Variants in AOC3 observed in about 807,000 individuals in gnomAD.
The protein encoded by AOC3 is amine oxidase [copper-containing] 3.
Under a neutral mutation model 55.4 loss-of-function variants are expected in AOC3, and 47 were observed. The observed-to-expected ratio is 0.85, with a 90% CI of 0.67 to 1.08. AOC3 has a LOEUF of 1.08. Ranked by LOEUF, AOC3 falls within the 50% of genes least tolerant of loss-of-function variation. AOC3 has a pLI of 0.00. For synonymous variants in AOC3, 386 were observed against 410.7 expected, an observed-to-expected ratio of 0.94 and a Z score of 0.73; for missense variants, 853 against 993.1, an observed-to-expected ratio of 0.86 and a Z score of 1.90.
Position 42,851,199 on chromosome 17 carries a change from A to C in AOC3, c.-145A>C. On this transcript the variant is annotated 5_prime_UTR_variant, in exon 1 of 4. Transcript: ENST00000308423. ...GCCTTCCTGTGTCCTTCCCACCCTT[A>C]GTCCCAGGCATCTGACTACCGGGAA... 1.2e-6 allele frequency: 1 copy of C among 824,610 alleles called. No homozygotes were observed. The highest frequency in any genetic ancestry group is 1.9e-5 in the South Asian group (1 of 52,108). 51.1% of individuals were successfully genotyped at this position (824,610 alleles called of 1,614,324 possible).
rs201337836 is a variant in AOC3 at position 42,852,264 on chromosome 17, C to T, written c.921C>T (p.Pro307=). The change falls in exon 1 of 4, where the codon CCC becomes CCT. Residue 307 remains proline (P), a synonymous_variant. Transcript: ENST00000308423. ...CCTGGTCCCTGAAGTCCCCTGTGCC[C>T]CCGGGTCCAGCTCCCCCTCTACAGT... is the stretch of plus-strand genomic sequence containing the variant. ...GGSWSLKSPV[P]PGPAPPLQFY... is the part of the protein sequence containing the mutation. The T allele has an allele frequency of 4.4e-5, 71 of 1,613,926 alleles. No homozygotes were observed. The highest frequency in any genetic ancestry group is 5.8e-5 in the Non-Finnish European group (68 of 1,179,982).
At chr17:42,853,147 C>G in intron 1 of AOC3, 1 of 1,379,372 alleles carries the variant, frequency 7.2e-7, no homozygotes, top group Non-Finnish European at 9.4e-7. Flanking sequence ...CCTTCCTCTA[C>G]GTGACCTCAT....
In AOC3 at chr17:42,855,504, T is replaced by A; in HGVS notation, c.1947T>A (p.Asn649Lys). The A allele has an allele frequency of 6.2e-7, 1 of 1,613,684 alleles. No individual in the cohort carries two copies. Among genetic ancestry groups the A allele is most frequent in the East Asian group, 2.2e-5 (1 of 44,866 alleles). Residue 649 changes from asparagine (N) to lysine (K), a missense_variant, in exon 3 of 4, where the codon AAT (asparagine) becomes AAA (lysine). Transcript: ENST00000308423. ...EEEPSSSSVF[N>K]QNDPWAPTVD... is the part of the protein sequence containing the mutation. ...AGCCCAGTAGCAGCAGCGTTTTCAATCAGAATGACCCTTGGGCCCCCACTG... is the reference window on the plus strand; with the variant it reads ...AGCCCAGTAGCAGCAGCGTTTTCAAACAGAATGACCCTTGGGCCCCCACTG...
chr17:42,856,509 G>A lies in AOC3; in HGVS notation c.2251G>A (p.Asp751Asn), dbSNP rs764828498. 1.2e-6 allele frequency: 2 copies of A among 1,609,064 alleles called. No individual in the cohort carries two copies. Among genetic ancestry groups the A allele is most frequent in the Non-Finnish European group, 1.7e-6 (2 of 1,176,894 alleles). Residue 751 changes from aspartate (D) to asparagine (N), a missense_variant, in exon 4 of 4, where the codon GAC becomes AAC. By Grantham distance (23) the Asp-to-Asn change is conservative. Coordinates refer to ENST00000308423, the MANE Select transcript of AOC3 (RefSeq NM_003734.4). The part of the protein sequence containing the change: ...CLPQAAACAP[D>N]LPAFSHGGFS... ...GCCCCAGGCTGCTGCCTGTGCCCCC[G>A]ACCTCCCTGCCTTCTCCCACGGGGG...
Position 42,856,347 on chromosome 17 carries a change from G to A in AOC3, c.2089G>A (p.Val697Met). 1 of 1,614,182 alleles carries A rather than the reference G, an allele frequency of 6.2e-7. No individual in the cohort carries two copies. Among genetic ancestry groups the A allele is most frequent in the Non-Finnish European group, 8.5e-7 (1 of 1,180,032 alleles). Residue 697 changes from valine (V) to methionine (M), a missense_variant, in exon 4 of 4, where the codon GTG becomes ATG. Transcript: ENST00000308423. ...HAEDIPNTVT[V>M]GNGVGFFLRP... Reference sequence around the variant, plus strand: ...AGAGGACATTCCTAACACAGTGACTGTGGGGAACGGCGTGGGCTTCTTCCT... The same window carrying A: ...AGAGGACATTCCTAACACAGTGACTATGGGGAACGGCGTGGGCTTCTTCCT...
rs746368967 is a variant in AOC3, at chr17:42,854,622, A to G, written c.1775A>G (p.Asn592Ser). ...ATPRYLYLAS[N>S]HSNKWGHPRG... The stretch of plus-strand genomic sequence containing the variant: ...CCTCGCTACCTGTACCTGGCCAGCA[A>G]CCACAGCAACAAGTGGGGTCACCCC... The change falls in exon 2 of 4, where the codon AAC becomes AGC. Residue 592 changes from asparagine to serine, a missense_variant. Asn to Ser is a conservative substitution (Grantham distance 46). Transcript: ENST00000308423. The G allele has an allele frequency of 2.3e-5, 37 of 1,591,888 alleles. No homozygotes were observed. Among genetic ancestry groups the G allele is most frequent in the Non-Finnish European group, 2.9e-5 (34 of 1,167,416 alleles).
rs750611176 is a variant in AOC3 at position 42,851,619 on chromosome 17, G to A, written c.276G>A (p.Ser92=). 51 of 1,612,752 alleles carry A rather than the reference G, an allele frequency of 3.2e-5. 1 individual carries two copies. In the Middle Eastern group the frequency reaches 7.9e-4, roughly 25 times the overall value. ...GLVDAAQARP[S]DNCVFSVELQ... ...TGGATGCAGCCCAGGCCCGGCCCTC[G>A]GACAACTGTGTCTTCTCAGTGGAGT... The change falls in exon 1 of 4, where the codon TCG becomes TCA. Residue 92 remains serine (S), a synonymous_variant. Transcript: ENST00000308423.
intron 1 of AOC3, 77 bp downstream of exon 1, chr17:42,853,020 A>G (rs1257060009): frequency 1.3e-5 from 20 of 1,498,078 alleles, no homozygotes; most frequent in South Asian, 2.6e-5. Context: ...GGTTTTATGT[A>G]GATTATCCCA....
chr17:42,854,933 G>A lies in AOC3; in HGVS notation c.1886+200G>A, dbSNP rs573746113. 2.4e-4 allele frequency among the ~76,000 whole-genome samples: 35 copies of A among 146,392 alleles called. 1 individual carries two copies. In the South Asian group the frequency reaches 5.6e-3, roughly 23 times the overall value. On this transcript the variant is annotated intron_variant, in intron 2 of 3. Coordinates refer to ENST00000308423, the MANE Select transcript of AOC3 (RefSeq NM_003734.4). ...GTGGAGCAATCTCACTGCATCCTCC[G>A]CCTCCCAGTTTCAAGCGATTCTCCT... is the stretch of plus-strand genomic sequence containing the variant.
chr17:42,856,477 C>T lies in AOC3; in HGVS notation c.2219C>T (p.Ala740Val), dbSNP rs768755156. ...DAGACEVNPL[A>V]CLPQAAACAP... is the part of the protein sequence containing the mutation. ...GGGGCCTGCGAGGTCAACCCCCTAG[C>T]TTGCCTGCCCCAGGCTGCTGCCTGT... The change falls in exon 4 of 4, where the codon GCT becomes GTT. Residue 740 changes from alanine (A) to valine (V), a missense_variant. Physicochemically the swap from Ala to Val is moderately conservative, Grantham distance 64. Coordinates refer to ENST00000308423, the MANE Select transcript of AOC3 (RefSeq NM_003734.4). 4 of 1,612,324 alleles carry T rather than the reference C, an allele frequency of 2.5e-6. No individual in the cohort carries two copies. Among genetic ancestry groups the T allele is most frequent in the Non-Finnish European group, 3.4e-6 (4 of 1,178,816 alleles).
chr17:42,851,230 G>C lies in AOC3; in HGVS notation c.-114G>C. On this transcript the variant is annotated 5_prime_UTR_variant, in exon 1 of 4. Transcript: ENST00000308423. ...AGGCATCTGACTACCGGGAACCTCA[G>C]CCAGAGTCCGGGAGCCCCCCACCCC... 4.5e-6 allele frequency: 5 copies of C among 1,120,606 alleles called. No individual in the cohort carries two copies. Among genetic ancestry groups the C allele is most frequent in the Non-Finnish European group, 4.9e-6 (4 of 814,820 alleles). The allele number at this position is 1,120,606 out of a possible 1,614,324, so 69.4% of individuals were successfully genotyped here. A position where few individuals can be genotyped will look rare whatever the true frequency, so the allele number is the denominator to read the frequency against.
chr17:42,852,833 C>T lies in AOC3; in HGVS notation c.1490C>T (p.Ser497Leu), dbSNP rs368031385. Residue 497 changes from serine to leucine, a missense_variant, in exon 1 of 4, where the codon TCG (serine) becomes TTG (leucine). Ser to Leu is a moderately radical substitution (Grantham distance 145, BLOSUM62 -2). Transcript: ENST00000308423. ...TTCTATGCCACGGGCTACATCAGCT[C>T]GGCATTCCTCTTTGGTGCTACTGGG... ...IRFYATGYIS[S>L]AFLFGATGKY... is the part of the protein sequence containing the mutation. The T allele has an allele frequency of 3.9e-5, 63 of 1,613,980 alleles. No individual in the cohort carries two copies. The highest frequency in any genetic ancestry group is 3.7e-4 in the South Asian group (34 of 91,086).
At chr17:42,853,130 G>A (rs1366775602) in intron 1 of AOC3, 187 bp downstream of exon 1, 1 of 1,371,558 alleles carries the variant, frequency 7.3e-7, no homozygotes, top group African/African-American at 1.5e-5. Flanking sequence ...TGGGTGCAAA[G>A]CTGCAGCCTT....
chr17:42,853,075 G>A (rs2144296809), intron 1 of AOC3, 132 bp downstream of exon 1: 1 of 1,351,298 alleles, frequency 7.4e-7, no homozygotes, highest in South Asian at 1.5e-5. Flanking sequence ...TGCTGGATGG[G>A]AGAGAGTTGG....
rs759929920 is a variant in AOC3 at position 42,852,192 on chromosome 17, C to A, written c.849C>A (p.Ala283=). The A allele has an allele frequency of 4.3e-6, 7 of 1,613,628 alleles. No individual in the cohort carries two copies. In the Admixed American group the frequency reaches 1.2e-4, roughly 27 times the overall value. The change falls in exon 1 of 4, where the codon GCC becomes GCA. Residue 283 remains alanine (A), a synonymous_variant. Transcript: ENST00000308423. The stretch of plus-strand genomic sequence containing the variant: ...CCCAGCTGGAGGCCCAGTTTGAGGC[C>A]GGCCTGGTGAATGTGGTGCTGATCC... ...SLAQLEAQFE[A]GLVNVVLIPD...
intron 1 of AOC3, chr17:42,853,443 C>T: frequency 6.1e-6 from 6 of 982,702 alleles, no homozygotes; most frequent in Non-Finnish European, 7.3e-6. Flanking sequence ...GGGCACAATT[C>T]ACCTAAGTGT....
chr17:42,854,306 A>G, intron 1 of AOC3, 142 bp from the exon 2 acceptor site: 2 of 685,356 alleles, frequency 2.9e-6, no homozygotes, highest in Non-Finnish European at 4.3e-6. Flanking sequence ...GATTGGAGGT[A>G]TCCTGGGGAG....
rs1330064632 is a variant in AOC3 at position 42,854,493 on chromosome 17, T to C, written c.1646T>C (p.Met549Thr). ...VWAEDMVFVPMAVPWSPEHQL... is the reference protein window; with the variant it reads ...VWAEDMVFVPTAVPWSPEHQL... Reference sequence around the variant, plus strand: ...GCCGAGGATATGGTCTTTGTCCCCATGGCTGTGCCCTGGAGCCCTGAGCAC... The same window carrying C: ...GCCGAGGATATGGTCTTTGTCCCCACGGCTGTGCCCTGGAGCCCTGAGCAC... The change falls in exon 2 of 4, where the codon ATG (methionine) becomes ACG (threonine). Residue 549 changes from methionine (M) to threonine (T), a missense_variant. Physicochemically the swap from Met to Thr is moderately conservative, Grantham distance 81 (BLOSUM62 -1). Transcript: ENST00000308423. The C allele has an allele frequency of 6.3e-7, 1 of 1,595,408 alleles. No individual in the cohort carries two copies. Among genetic ancestry groups the C allele is most frequent in the African/African-American group, 1.3e-5 (1 of 74,338 alleles).
At position 42,854,473 on chromosome 17, in the gene AOC3, G is replaced by A; in HGVS notation, c.1626G>A (p.Glu542=). 6.4e-7 allele frequency: 1 copy of A among 1,568,164 alleles called. No individual in the cohort carries two copies. Among genetic ancestry groups the A allele is most frequent in the Non-Finnish European group, 8.7e-7 (1 of 1,153,186 alleles). ...VAGLENWVWA[E]DMVFVPMAVP... is the part of the protein sequence containing the mutation. ...GACTGGAGAACTGGGTCTGGGCCGA[G>A]GATATGGTCTTTGTCCCCATGGCTG... is the stretch of plus-strand genomic sequence containing the variant. The change falls in exon 2 of 4, where the codon GAG becomes GAA. Residue 542 remains glutamate (E), a synonymous_variant. Coordinates refer to ENST00000308423, the MANE Select transcript of AOC3 (RefSeq NM_003734.4).
Sources: allele counts gnomAD v4.1 joint callset (sites outside exome capture counted in the v4.1 genomes callset), GRCh38; gene constraint gnomAD v4.1.1; transcripts MANE v1.5; gene names NCBI Gene and HGNC (gene_info 2026-07-23, HGNC 2026-07-21).